Variants in IP6K2 observed in about 807,000 individuals in gnomAD.
IP6K2 encodes the protein ATP:1D-myo-inositol-hexakisphosphate phosphotransferase.
In IP6K2, 9 loss-of-function variants were observed where a neutral mutation model predicts 43.3. That is an observed-to-expected ratio of 0.21 (90% CI 0.13 to 0.36). IP6K2 has a LOEUF of 0.36. IP6K2 is among the 10% of genes least tolerant of loss of function. IP6K2 has a pLI of 1.00. For missense variants in IP6K2, 332 were observed against 538.4 expected, an observed-to-expected ratio of 0.62 and a Z score of 3.79; for synonymous variants, 209 against 202.4, an observed-to-expected ratio of 1.03 and a Z score of -0.28.
At chr3:48,715,270 C>A (rs2081066443) in intron 1 of IP6K2, 1 of 1,535,186 alleles carries the variant, frequency 6.5e-7, no homozygotes, top group African/African-American at 1.4e-5. Context: ...GAAAATTCTT[C>A]CCCAGTGCAT....
intron 4 of IP6K2, among the ~76,000 whole-genome samples, chr3:48,690,335 G>A (rs770610905): frequency 1.1e-4 from 17 of 152,174 alleles, no homozygotes; most frequent in Non-Finnish European, 2.1e-4. Flanking sequence ...ATTTTTAAGA[G>A]ACCAAAAAAT....
At chr3:48,692,770 C>T (rs116781404) in intron 3 of IP6K2, among the ~76,000 whole-genome samples, 184 bp downstream of exon 3, 3,999 of 152,354 alleles carry the variant, frequency 0.026, 73 homozygotes, top group Non-Finnish European at 0.039. Flanking sequence ...CCCAAACTGG[C>T]ATGATCTAAC....
intron 2 of IP6K2, chr3:48,694,087 A>G (rs1361904656): frequency 6.8e-7 from 1 of 1,474,076 alleles, no homozygotes; most frequent in Non-Finnish European, 9.0e-7. Context: ...GCGTGCTCAG[A>G]GAGAGATGAC....
chr3:48,705,909 T>TAAAATA (rs551116669), intron 1 of IP6K2, among the ~76,000 whole-genome samples: 1 of 146,242 alleles, frequency 6.8e-6, no homozygotes, highest in South Asian at 2.1e-4. Context: ...TAAAATAAAA[T>TAAAATA]AAAAAAAAAC....
At chr3:48,704,661 C>T (rs1476938075) in intron 1 of IP6K2, among the ~76,000 whole-genome samples, 11 of 151,958 alleles carry the variant, frequency 7.2e-5, no homozygotes, top group African/African-American at 2.2e-4. Flanking sequence ...TGTGTAGAGA[C>T]GGGGTTTTGC....
intron 1 of IP6K2, among the ~76,000 whole-genome samples, chr3:48,698,314 G>A (rs1349881880): frequency 6.6e-6 from 1 of 152,196 alleles, no homozygotes; most frequent in African/African-American, 2.4e-5. Context: ...ATTATGAATT[G>A]TTAAAGCACA....
intron 1 of IP6K2, chr3:48,715,661 T>C (rs760289544): frequency 6.8e-6 from 4 of 586,068 alleles, no homozygotes; most frequent in Non-Finnish European, 1.2e-5. Context: ...GTTTCTACAA[T>C]TGTATTAACT....
At chr3:48,715,929 C>CAA (rs11391893) in intron 1 of IP6K2, among the ~76,000 whole-genome samples, 28 of 141,928 alleles carry the variant, frequency 2.0e-4, no homozygotes, top group African/African-American at 5.1e-4. Flanking sequence ...AACTTTTTCT[C>CAA]AAAAAAAAAA....
At position 48,716,202 on chromosome 3, in the gene IP6K2, A is replaced by T. The variant is rs2081176531; in HGVS notation, c.-131+955T>A. ...TTAAACACTAGAATTCAACAAAATT[A>T]CTGTAATCATGGTCCTCTATTAAAA... On this transcript the variant is annotated intron_variant, in intron 1 of 5. Coordinates refer to ENST00000328631, the MANE Select transcript of IP6K2 (RefSeq NM_016291.4). Among the ~76,000 whole-genome samples, 6 of 152,266 alleles carry T rather than the reference A, an allele frequency of 3.9e-5. No homozygotes were observed. In the South Asian group the frequency reaches 1.2e-3, roughly 31 times the overall value.
intron 3 of IP6K2, among the ~76,000 whole-genome samples, chr3:48,692,152 G>A (rs963681507): frequency 6.6e-6 from 1 of 152,168 alleles, no homozygotes; most frequent in East Asian, 1.9e-4. Context: ...CTACAGTAAT[G>A]AAAAGTGACT....
At chr3:48,691,803 A>AAATAAAT (rs1559508692) in intron 3 of IP6K2, among the ~76,000 whole-genome samples, 8 of 150,404 alleles carry the variant, frequency 5.3e-5, no homozygotes, top group Non-Finnish European at 1.0e-4. Context: ...AAAGACTCAA[A>AAATAAAT]AAATAAATAA....
Position 48,695,254 on chromosome 3 carries a change from C to T in IP6K2, c.38G>A (p.Arg13His), listed in dbSNP as rs759340203. ...GGGCTCCAGAAGGACGCCTTTGGCG[C>T]GGGGCTCCACATCCATGGCCCTGAA... ...PAFRAMDVEP[R>H]AKGVLLEPFV... is the part of the protein sequence containing the mutation. Residue 13 changes from arginine (R) to histidine (H), a missense_variant, in exon 2 of 6, where the codon CGC (arginine) becomes CAC (histidine). By Grantham distance (29) the Arg-to-His change is conservative (BLOSUM62 0). Transcript: ENST00000328631. The surrounding 1 kb of genome is among the most constrained non-coding windows in gnomAD (Gnocchi z 4.6). The T allele has an allele frequency of 4.6e-5, 73 of 1,583,308 alleles. No individual in the cohort carries two copies. Among genetic ancestry groups the T allele is most frequent in the South Asian group, 1.8e-4 (16 of 88,534 alleles).
At chr3:48,706,823 TAAA>T (rs1228531580) in intron 1 of IP6K2, among the ~76,000 whole-genome samples, 2 of 151,948 alleles carry the variant, frequency 1.3e-5, no homozygotes, top group Non-Finnish European at 2.9e-5. Context: ...CCCAAAAAAA[TAAA>T]AAAGAAAGAA....
intron 1 of IP6K2, among the ~76,000 whole-genome samples, chr3:48,710,665 A>T (rs1200093243): frequency 6.6e-6 from 1 of 151,790 alleles, no homozygotes; most frequent in Non-Finnish European, 1.5e-5. Context: ...GCTGGAGTGC[A>T]GTGGCGGGAT....
intron 1 of IP6K2, chr3:48,715,390 G>A (rs1227247684): frequency 6.5e-7 from 1 of 1,536,270 alleles, no homozygotes; most frequent in Non-Finnish European, 8.7e-7. Flanking sequence ...GGAGCTTACA[G>A]AAGGCTCTGG....
At chr3:48,702,831 C>T (rs971829403) in intron 1 of IP6K2, among the ~76,000 whole-genome samples, 5 of 152,166 alleles carry the variant, frequency 3.3e-5, no homozygotes, top group African/African-American at 1.2e-4. Context: ...TGCTGAATCT[C>T]CAGGATCTAC....
chr3:48,716,311 T>C (rs1399202170), intron 1 of IP6K2: 2 of 152,210 alleles, frequency 1.3e-5, no homozygotes, highest in South Asian at 4.1e-4. Flanking sequence ...TTCAAGATGA[T>C]TTTTTGTTCT....
intron 4 of IP6K2, 117 bp downstream of exon 4, chr3:48,691,190 T>G: frequency 1.2e-6 from 1 of 806,034 alleles, no homozygotes. Context: ...ATAACCCAGG[T>G]AGGAGAAACT....
At chr3:48,711,979 G>T (rs1004773778) in intron 1 of IP6K2, among the ~76,000 whole-genome samples, 2 of 152,158 alleles carry the variant, frequency 1.3e-5, no homozygotes, top group Admixed American at 1.3e-4. Flanking sequence ...CCATGGCACA[G>T]TCCACAGACA....
Sources: allele counts gnomAD v4.1 joint callset (sites outside exome capture counted in the v4.1 genomes callset), GRCh38; gene constraint gnomAD v4.1.1; non-coding constraint Gnocchi (gnomAD v3.1); transcripts MANE v1.5; gene names NCBI Gene and HGNC (gene_info 2026-07-23, HGNC 2026-07-21).